The following GCC2 variants were observed in gnomAD, a reference collection of about 807,000 sequenced individuals.
The protein encoded by GCC2 is GRIP and coiled-coil domain-containing protein 2.
A neutral mutation model predicts 210.6 loss-of-function variants in GCC2; 120 were observed. The observed-to-expected ratio is 0.57, with a 90% CI of 0.49 to 0.66. The LOEUF is 0.66. Among genes scored for constraint, GCC2 ranks in the 30% least tolerant of loss-of-function variants. The pLI is 0.00. For missense variants in GCC2, 1,868 were observed against 1,871.9 expected (o/e 1.00, Z 0.04); for synonymous variants, 703 against 652.7 (o/e 1.08, Z -1.17).
At chr2:108,475,681 A>T in intron 8 of GCC2, 46 bp downstream of exon 8, 3 of 1,463,760 alleles carry the variant, frequency 2.0e-6, no homozygotes, top group Non-Finnish European at 2.8e-6. Context: ...TCACATTTTT[A>T]AAAATCAAGA....
Position 108,449,960 on chromosome 2 carries a change from A to G in GCC2, c.63+271A>G, listed in dbSNP as rs972060201. ...AACATAAAGCAGTCTAAGAAGGTTTATATAGTGGTGTAGTGGAAGGAGCAG... is the reference window on the plus strand; with the variant it reads ...AACATAAAGCAGTCTAAGAAGGTTTGTATAGTGGTGTAGTGGAAGGAGCAG... On this transcript the variant is annotated intron_variant, in intron 2 of 22. Transcript: ENST00000309863. The G allele has an allele frequency of 5.9e-5, 26 of 443,664 alleles. No individual in the cohort carries two copies. The East Asian group carries it at 9.1e-4, about 16-fold the overall frequency. 27.5% of individuals were successfully genotyped at this position (443,664 alleles called of 1,614,324 possible). A position where few individuals can be genotyped will look rare whatever the true frequency, so the allele number is the denominator to read the frequency against.
chr2:108,453,086 A>G (rs1210075798), intron 4 of GCC2, among the ~76,000 whole-genome samples: 1 of 152,242 alleles, frequency 6.6e-6, no homozygotes, highest in African/African-American at 2.4e-5. Context: ...TTTTAGGTGT[A>G]CAGTATATAA....
Position 108,484,275 on chromosome 2 carries a change from C to A in GCC2, c.3577C>A (p.Gln1193Lys). 1.3e-6 allele frequency: 2 copies of A among 1,541,694 alleles called. No individual in the cohort carries two copies. Among genetic ancestry groups the A allele is most frequent in the South Asian group, 1.2e-5 (1 of 82,310 alleles). The change falls in exon 13 of 23, where the codon CAA becomes AAA. Residue 1193 changes from glutamine to lysine, a missense_variant. Around this residue, in one of 3 missense-constraint regions of GCC2, gnomAD observed 1,847 missense variants for 1,765.2 expected, o/e 1.05. Coordinates refer to ENST00000309863, the MANE Select transcript of GCC2 (RefSeq NM_181453.4). ...IEDLEQEIKI[Q>K]KQKQETLQEE... ...AGATTTGGAGCAAGAAATAAAAATT[C>A]AAAAACAGAAACAAGAAACCCTACA...
In GCC2 at chr2:108,470,878, C is replaced by T. The variant is rs751351993; in HGVS notation, c.1549C>T (p.His517Tyr). The change falls in exon 6 of 23, where the codon CAT (histidine) becomes TAT (tyrosine). Residue 517 changes from histidine (H) to tyrosine (Y), a missense_variant. Physicochemically the swap from His to Tyr is moderately conservative, Grantham distance 83 (BLOSUM62 2). Coordinates refer to ENST00000309863, the MANE Select transcript of GCC2 (RefSeq NM_181453.4). Reference sequence around the variant, plus strand: ...GAAGCAACAGCAAGCATCTGATGTTCATGAACTGCAGCAGAAGCTCAGAAC... The same window carrying T: ...GAAGCAACAGCAAGCATCTGATGTTTATGAACTGCAGCAGAAGCTCAGAAC... ...SMKQQQASDV[H>Y]ELQQKLRTAF... 2.9e-5 allele frequency: 47 copies of T among 1,613,568 alleles called. 1 individual carries two copies. The highest frequency in any genetic ancestry group is 3.8e-5 in the Non-Finnish European group (45 of 1,179,814).
At chr2:108,497,178 A>T in intron 21 of GCC2, 69 bp downstream of exon 21, 1 of 1,609,284 alleles carries the variant, frequency 6.2e-7, no homozygotes, top group Non-Finnish European at 8.5e-7. Context: ...ATACACATGC[A>T]CGATCTCAGC....
In GCC2 at chr2:108,471,078, A is replaced by G. The variant is rs759869953; in HGVS notation, c.1749A>G (p.Lys583=). ...LSLSQRDTML[K]ELEGKINSLT... is the part of the protein sequence containing the mutation. The stretch of plus-strand genomic sequence containing the variant: ...TCAGTCAAAGAGATACCATGTTAAA[A>G]GAATTAGAAGGAAAGATAAATTCTC... The change falls in exon 6 of 23, where the codon AAA becomes AAG. Residue 583 remains lysine, a synonymous_variant. Coordinates refer to ENST00000309863, the MANE Select transcript of GCC2 (RefSeq NM_181453.4). 2 of 1,582,810 alleles carry G rather than the reference A, an allele frequency of 1.3e-6. No homozygotes were observed. Among genetic ancestry groups the G allele is most frequent in the Non-Finnish European group, 1.7e-6 (2 of 1,156,382 alleles).
At chr2:108,465,158 T>G (rs1487290608) in intron 4 of GCC2, among the ~76,000 whole-genome samples, 1 of 152,188 alleles carries the variant, frequency 6.6e-6, no homozygotes, top group Non-Finnish European at 1.5e-5. Flanking sequence ...GGGACAAATT[T>G]CCAAACTATA....
chr2:108,498,087 A>G (rs1682732699), intron 21 of GCC2, among the ~76,000 whole-genome samples: 1 of 152,096 alleles, frequency 6.6e-6, no homozygotes, highest in Admixed American at 6.5e-5. Context: ...GCATCTCTAT[A>G]AAATAACATT....
chr2:108,482,888 G>T (rs1415384039), intron 11 of GCC2, among the ~76,000 whole-genome samples, 174 bp from the exon 12 acceptor site: 1 of 152,120 alleles, frequency 6.6e-6, no homozygotes, highest in South Asian at 2.1e-4. Context: ...CACTGTGTTA[G>T]CCAGGATGGT....
chr2:108,459,745 CTTTTTTTTTTTTTTTTTTTT>C (rs34052393), intron 4 of GCC2, among the ~76,000 whole-genome samples: 775 of 26,858 alleles, frequency 0.029, 36 homozygotes, highest in Middle Eastern at 0.24. Context: ...CCTTCTTTGT[CTTTTTTTTTTTTTTTTTTTT>C]TTTTTTTTTT....
Position 108,471,629 on chromosome 2 carries a change from G to A in GCC2, c.2300G>A (p.Gly767Glu). Reference protein sequence around the residue: ...TQLYGFLKEMGSEVSEDSEEK... With the variant: ...TQLYGFLKEMESEVSEDSEEK... Reference sequence around the variant, plus strand: ...TTGTATGGTTTTCTTAAAGAAATGGGATCAGAAGTTTCAGAAGACAGTGAA... The same window carrying A: ...TTGTATGGTTTTCTTAAAGAAATGGAATCAGAAGTTTCAGAAGACAGTGAA... Residue 767 changes from glycine to glutamate, a missense_variant, in exon 6 of 23, where the codon GGA (glycine) becomes GAA (glutamate). Transcript: ENST00000309863. 1 of 1,613,464 alleles carries A rather than the reference G, an allele frequency of 6.2e-7. No homozygotes were observed. Among genetic ancestry groups the A allele is most frequent in the Non-Finnish European group, 8.5e-7 (1 of 1,179,524 alleles).
intron 22 of GCC2, among the ~76,000 whole-genome samples, chr2:108,504,881 A>G (rs1303999793): frequency 6.6e-6 from 1 of 152,194 alleles, no homozygotes; most frequent in African/African-American, 2.4e-5. Flanking sequence ...ACGAAAAAAA[A>G]GCCCAGCAAC....
chr2:108,498,383 G>A (rs1317026656), intron 21 of GCC2, among the ~76,000 whole-genome samples: 1 of 151,002 alleles, frequency 6.6e-6, no homozygotes, highest in African/African-American at 2.4e-5. Context: ...TTTACTAGAG[G>A]CATGGTTTCA....
chr2:108,501,923 G>A (rs1460368816), intron 22 of GCC2, among the ~76,000 whole-genome samples: 1 of 152,050 alleles, frequency 6.6e-6, no homozygotes, highest in Non-Finnish European at 1.5e-5. Context: ...AGTAATCTCA[G>A]TTCTTCAAAC....
chr2:108,470,525 G>C lies in GCC2; in HGVS notation c.1196G>C (p.Cys399Ser). 1 of 1,606,544 alleles carries C rather than the reference G, an allele frequency of 6.2e-7. No individual in the cohort carries two copies. The highest frequency in any genetic ancestry group is 8.5e-7 in the Non-Finnish European group (1 of 1,177,420). ...TTACTAGCTAAAGAAGAACAGGGCT[G>C]TGTAATTGAAAAATTAAAATCTGAG... ...ELLLAKEEQG[C>S]VIEKLKSELA... The change falls in exon 6 of 23, where the codon TGT becomes TCT. Residue 399 changes from cysteine to serine, a missense_variant. Transcript: ENST00000309863.
intron 19 of GCC2, chr2:108,494,505 TAAG>T (rs1302446991): frequency 2.0e-5 from 3 of 152,196 alleles, no homozygotes; most frequent in East Asian, 3.8e-4. Context: ...CAGCAACAAT[TAAG>T]AAGCTGCAGA....
Position 108,485,915 on chromosome 2 carries a change from G to T in GCC2, c.3792+7G>T. 1 of 1,469,866 alleles carries T rather than the reference G, an allele frequency of 6.8e-7. No homozygotes were observed. The highest frequency in any genetic ancestry group is 9.3e-7 in the Non-Finnish European group (1 of 1,079,422). The allele number at this position is 1,469,866 out of a possible 1,614,324, so 91.1% of individuals were successfully genotyped here. A position where few individuals can be genotyped will look rare whatever the true frequency, so the allele number is the denominator to read the frequency against. On this transcript the variant is annotated splice_region_variant and intron_variant, in intron 15 of 22. Transcript: ENST00000309863. The stretch of plus-strand genomic sequence containing the variant: ...GCAAGTAGAAGTCTATAAAGTAAGG[G>T]TTTTACTTTTTAAGATTAAAAAAAT...
chr2:108,483,604 A>T (rs1398498924), intron 12 of GCC2, among the ~76,000 whole-genome samples: 2 of 152,226 alleles, frequency 1.3e-5, no homozygotes, highest in African/African-American at 4.8e-5. Flanking sequence ...ATGCTTTATA[A>T]ATTATTTGCT....
intron 22 of GCC2, among the ~76,000 whole-genome samples, chr2:108,502,939 A>G (rs904958596): frequency 8.3e-5 from 12 of 144,964 alleles, no homozygotes; most frequent in Non-Finnish European, 1.5e-4. Flanking sequence ...AAAAAAAAAA[A>G]GAATGTAAAC....
Sources: gnomAD v4.1 joint callset for allele counts (sites outside exome capture counted in the v4.1 genomes callset) on GRCh38, gnomAD v4.1.1 for gene constraint, gnomAD v4.1.1 regional missense constraint, MANE v1.5 for transcripts, NCBI Gene and HGNC (gene_info 2026-07-23, HGNC 2026-07-21) for gene names.